The following ETV6 variants were observed in gnomAD, a reference collection of about 807,000 sequenced individuals.
ETV6 encodes the protein ETS variant transcription factor 6.
Under a neutral mutation model 51.1 loss-of-function variants are expected in ETV6, and 16 were observed. The observed-to-expected ratio is 0.31, with a 90% CI of 0.21 to 0.48. ETV6 has a LOEUF of 0.48. Among genes scored for constraint, ETV6 ranks in the 20% least tolerant of loss-of-function variants. ETV6 has a pLI of 0.99. For synonymous variants in ETV6, 240 were observed against 224.1 expected (o/e 1.07, Z -0.64); for missense variants, 458 against 594.8 (o/e 0.77, Z 2.39).
chr12:11,893,254 G>T lies in ETV6; in HGVS notation c.*2208G>T, dbSNP rs1358923323. On this transcript the variant is annotated 3_prime_UTR_variant, in exon 8 of 8. Transcript: ENST00000396373. The stretch of plus-strand genomic sequence containing the variant: ...AAGGGATTTTTTACTGCATCCCTCT[G>T]TATGAATATGAAATCAGAGACCAGG... 1 of 232,550 alleles carries T rather than the reference G, an allele frequency of 4.3e-6. No individual in the cohort carries two copies. Among genetic ancestry groups the T allele is most frequent in the East Asian group, 6.1e-5 (1 of 16,504 alleles). 14.4% of individuals were successfully genotyped at this position (232,550 alleles called of 1,614,324 possible). A position where few individuals can be genotyped will look rare whatever the true frequency, so the allele number is the denominator to read the frequency against.
intron 1 of ETV6, among the ~76,000 whole-genome samples, chr12:11,718,509 A>G (rs1865321518): frequency 6.6e-6 from 1 of 151,924 alleles, no homozygotes; most frequent in Non-Finnish European, 1.5e-5. Flanking sequence ...CACACTCCTG[A>G]AATCCTAGCA....
chr12:11,651,707 T>C (rs1455042240), intron 1 of ETV6, among the ~76,000 whole-genome samples: 4 of 152,234 alleles, frequency 2.6e-5, no homozygotes, highest in Non-Finnish European at 5.9e-5. Context: ...GATAATCTAA[T>C]TTATTTGACG....
At chr12:11,764,952 A>G (rs1440492486) in intron 2 of ETV6, among the ~76,000 whole-genome samples, 1 of 152,196 alleles carries the variant, frequency 6.6e-6, no homozygotes, top group Admixed American at 6.5e-5. Flanking sequence ...GGTAGGTGGG[A>G]GACAGGTCCA....
At chr12:11,863,291 T>C (rs138524666) in intron 4 of ETV6, among the ~76,000 whole-genome samples, 180 of 152,340 alleles carry the variant, frequency 1.2e-3, no homozygotes, top group African/African-American at 4.2e-3. Context: ...GGATAAGAAA[T>C]CAGACCTTTT....
chr12:11,721,112 G>A (rs149496889), intron 1 of ETV6, among the ~76,000 whole-genome samples: 96 of 152,288 alleles, frequency 6.3e-4, no homozygotes, highest in Non-Finnish European at 1.1e-3. Flanking sequence ...TTATACACCG[G>A]TGGGGGAAAT....
chr12:11,664,463 G>C (rs1426027516), intron 1 of ETV6, among the ~76,000 whole-genome samples: 1 of 152,062 alleles, frequency 6.6e-6, no homozygotes, highest in Non-Finnish European at 1.5e-5. Flanking sequence ...TATGAAGATA[G>C]GGCTAAATAA....
intron 2 of ETV6, among the ~76,000 whole-genome samples, chr12:11,838,408 C>T (rs999206648): frequency 6.6e-6 from 1 of 152,198 alleles, no homozygotes; most frequent in Admixed American, 6.5e-5. Context: ...AACCTCTCAG[C>T]CCCTGCTCTG....
At chr12:11,713,186 C>T (rs1054778723) in intron 1 of ETV6, among the ~76,000 whole-genome samples, 1 of 152,160 alleles carries the variant, frequency 6.6e-6, no homozygotes, top group African/African-American at 2.4e-5. Flanking sequence ...AGCCTCTGAT[C>T]AGTTTCTGTA....
chr12:11,794,866 T>C (rs887381621), intron 2 of ETV6, among the ~76,000 whole-genome samples: 2 of 152,222 alleles, frequency 1.3e-5, no homozygotes, highest in African/African-American at 4.8e-5. Context: ...CATTTGGTGG[T>C]AAATACTTCA....
chr12:11,749,520 G>T (rs1030210762), intron 1 of ETV6, among the ~76,000 whole-genome samples: 11 of 152,194 alleles, frequency 7.2e-5, no homozygotes, highest in Non-Finnish European at 1.5e-4. Context: ...TTAGACGTTA[G>T]TGTCCTTAAA....
intron 1 of ETV6, among the ~76,000 whole-genome samples, chr12:11,680,273 A>G (rs1222879314): frequency 6.6e-6 from 1 of 152,210 alleles, no homozygotes; most frequent in African/African-American, 2.4e-5. Flanking sequence ...CAGGCAGTAT[A>G]TTTTACATCT....
intron 1 of ETV6, among the ~76,000 whole-genome samples, chr12:11,746,952 G>C (rs1450848182): frequency 1.3e-5 from 2 of 151,924 alleles, no homozygotes; most frequent in Non-Finnish European, 2.9e-5. Flanking sequence ...CAGAAGAAAG[G>C]GACAATTTCA....
At chr12:11,731,595 A>G (rs1212482831) in intron 1 of ETV6, among the ~76,000 whole-genome samples, 1 of 152,162 alleles carries the variant, frequency 6.6e-6, no homozygotes, top group African/African-American at 2.4e-5. Flanking sequence ...AATTTCAGAA[A>G]AACATGGGAC....
intron 5 of ETV6, among the ~76,000 whole-genome samples, chr12:11,878,288 A>G (rs1591743955): frequency 6.6e-6 from 1 of 152,316 alleles, no homozygotes; most frequent in Non-Finnish European, 1.5e-5. Context: ...TTAAAAGATA[A>G]AAAAACATCA....
intron 1 of ETV6, among the ~76,000 whole-genome samples, chr12:11,667,696 A>ATTTTTTT (rs34458275): frequency 5.5e-5 from 4 of 72,990 alleles, no homozygotes; most frequent in Non-Finnish European, 7.7e-5. Context: ...TACCTGGCTA[A>ATTTTTTT]TTTTTTTTTT....
At position 11,839,137 on chromosome 12, in the gene ETV6, C is replaced by T; in HGVS notation, c.164-3C>T. On this transcript the variant is annotated splice_polypyrimidine_tract_variant and splice_region_variant and intron_variant, in intron 2 of 7. Transcript: ENST00000396373. Reference sequence around the variant, plus strand: ...TCTTTCTGCCTCATGCTCTCTCCAACAGGCTTGCAGCCAATTTACTGGAGC... The same window carrying T: ...TCTTTCTGCCTCATGCTCTCTCCAATAGGCTTGCAGCCAATTTACTGGAGC... 6.2e-7 allele frequency: 1 copy of T among 1,613,314 alleles called. No individual in the cohort carries two copies. The highest frequency in any genetic ancestry group is 1.1e-5 in the South Asian group (1 of 91,004).
chr12:11,751,790 G>T (rs1394289846), intron 1 of ETV6: 1 of 486,188 alleles, frequency 2.1e-6, no homozygotes, highest in Non-Finnish European at 4.1e-6. Flanking sequence ...CTGAGATGGA[G>T]AGTAAAAGAA....
intron 2 of ETV6, among the ~76,000 whole-genome samples, chr12:11,835,900 G>C (rs79558489): frequency 6.6e-6 from 1 of 152,300 alleles, no homozygotes; most frequent in Non-Finnish European, 1.5e-5. Flanking sequence ...GTCATTACTA[G>C]GGTTATGTGA....
rs529237085 is a variant in ETV6 at position 11,705,922 on chromosome 12, C to G, written c.34-46528C>G. ...GGCACAGAGAAATGAAAGCAGGAGC[C>G]TTGAATCTAGATTTTTCCAGAATCC... On this transcript the variant is annotated intron_variant, in intron 1 of 7. Transcript: ENST00000396373. Among the ~76,000 whole-genome samples, 7 of 152,310 alleles carry G rather than the reference C, an allele frequency of 4.6e-5. No individual in the cohort carries two copies. In the East Asian group the frequency reaches 7.7e-4, roughly 17 times the overall value.
Sources: allele counts gnomAD v4.1 joint callset (sites outside exome capture counted in the v4.1 genomes callset), GRCh38; gene constraint gnomAD v4.1.1; transcripts MANE v1.5; gene names NCBI Gene and HGNC (gene_info 2026-07-23, HGNC 2026-07-21).